Variants in EPN3 observed in about 807,000 individuals in gnomAD.
EPN3 encodes epsin 3, also known as epsin-3.
Under a neutral mutation model 55.5 loss-of-function variants are expected in EPN3, and 56 were observed. The ratio of observed to expected loss-of-function variants is 1.01; its 90% CI spans 0.81 to 1.26. EPN3 has a LOEUF of 1.26. EPN3 is among the 50% of genes most tolerant of loss of function. EPN3 has a pLI of 0.00. For synonymous variants in EPN3, 449 were observed against 375.2 expected (o/e 1.20, Z -2.27); for missense variants, 927 against 853.4 (o/e 1.09, Z -1.07).
chr17:50,539,347 C>T, intron 5 of EPN3, 32 bp downstream of exon 5: 1 of 1,612,784 alleles, frequency 6.2e-7, no homozygotes, highest in South Asian at 1.1e-5. Flanking sequence ...TTGGGATGGA[C>T]AGGGCCTAAG....
At chr17:50,533,648 T>TC (rs894032539) in intron 1 of EPN3, among the ~76,000 whole-genome samples, 3 of 151,904 alleles carry the variant, frequency 2.0e-5, no homozygotes, top group Admixed American at 1.3e-4. Context: ...ACTCTCCAGA[T>TC]CCCCCCATCC....
Position 50,532,963 on chromosome 17 carries a change from G to A in EPN3, c.-159G>A. ...CAGAGGCTACTCGGGCTGGGGCTGG[G>A]GCCGAGGGAGCCCGCACTGGAGGTA... On this transcript the variant is annotated 5_prime_UTR_variant, in exon 1 of 10. Coordinates refer to ENST00000268933, the MANE Select transcript of EPN3 (RefSeq NM_017957.3). The A allele has an allele frequency of 3.1e-6, 4 of 1,285,430 alleles. No homozygotes were observed. The highest frequency in any genetic ancestry group is 4.1e-6 in the Non-Finnish European group (4 of 987,212). 79.6% of individuals were successfully genotyped at this position (1,285,430 alleles called of 1,614,324 possible). A position where few individuals can be genotyped will look rare whatever the true frequency, so the allele number is the denominator to read the frequency against.
intron 3 of EPN3, 158 bp downstream of exon 3, chr17:50,538,355 G>A (rs2034795264): frequency 1.6e-6 from 1 of 609,580 alleles, no homozygotes; most frequent in Admixed American, 3.0e-5. Flanking sequence ...TTTGTCGCAG[G>A]CAGGGACTGC....
At chr17:50,534,308 A>G (rs2034726753) in intron 1 of EPN3, 1 of 642,256 alleles carries the variant, frequency 1.6e-6, no homozygotes, top group East Asian at 1.4e-4. Context: ...AGGTCCAGGC[A>G]GGGCCGCTGG....
Position 50,541,522 on chromosome 17 carries a change from A to C in EPN3, c.1413A>C (p.Pro471=). 6.2e-7 allele frequency: 1 copy of C among 1,614,218 alleles called. No individual in the cohort carries two copies. Among genetic ancestry groups the C allele is most frequent in the African/African-American group, 1.3e-5 (1 of 75,060 alleles). Residue 471 remains proline, a synonymous_variant, in exon 9 of 10, where the codon CCA becomes CCC. Transcript: ENST00000268933. ...CCAAGCAAAATGGCACGAAGGAGCC[A>C]GATGCCCTGGACCTGGGCATACTAG... ...PSSKQNGTKE[P]DALDLGILGE...
At position 50,540,823 on chromosome 17, in the gene EPN3, C is replaced by A; in HGVS notation, c.1010C>A (p.Ser337Tyr). Residue 337 changes from serine (S) to tyrosine (Y), a missense_variant, in exon 7 of 10, where the codon TCC (serine) becomes TAC (tyrosine). Ser to Tyr is a moderately radical substitution (Grantham distance 144). Transcript: ENST00000268933. The stretch of plus-strand genomic sequence containing the variant: ...AGGCCGAACACAGAGGCCAGTGGAT[C>A]CTCCTGGGGGCCTTCTGCAGACCCC... Reference protein sequence around the residue: ...GFRPNTEASGSSWGPSADPWS... With the variant: ...GFRPNTEASGYSWGPSADPWS... 2 of 1,612,866 alleles carry A rather than the reference C, an allele frequency of 1.2e-6. No individual in the cohort carries two copies. The highest frequency in any genetic ancestry group is 1.7e-6 in the Non-Finnish European group (2 of 1,179,200).
chr17:50,538,073 T>C lies in EPN3; in HGVS notation c.563-6T>C, dbSNP rs571923623. 6.2e-6 allele frequency: 10 copies of C among 1,611,260 alleles called. No individual in the cohort carries two copies. The highest frequency in any genetic ancestry group is 4.5e-5 in the East Asian group (2 of 44,858). On this transcript the variant is annotated splice_region_variant and splice_polypyrimidine_tract_variant and intron_variant, in intron 2 of 9. Transcript: ENST00000268933. ...TGTGGTCACAGAGACATGATGGTCATTGCAGCCTCCTCTTCGTCACCCCGC... is the reference window on the plus strand; with the variant it reads ...TGTGGTCACAGAGACATGATGGTCACTGCAGCCTCCTCTTCGTCACCCCGC...
Position 50,536,893 on chromosome 17 carries a change from G to A in EPN3, c.337G>A (p.Asp113Asn), listed in dbSNP as rs1196498949. 3.1e-6 allele frequency: 5 copies of A among 1,614,134 alleles called. No homozygotes were observed. Among genetic ancestry groups the A allele is most frequent in the South Asian group, 2.2e-5 (2 of 91,066 alleles). ...IQTLKDFQYI[D>N]RDGKDQGVNV... ...GACACTCAAGGACTTCCAGTACATC[G>A]ACCGCGACGGCAAGGACCAGGGCGT... Residue 113 changes from aspartate (D) to asparagine (N), a missense_variant, in exon 2 of 10, where the codon GAC becomes AAC. Asp to Asn is a conservative substitution (Grantham distance 23). Coordinates refer to ENST00000268933, the MANE Select transcript of EPN3 (RefSeq NM_017957.3).
chr17:50,538,974 C>A lies in EPN3; in HGVS notation c.762+10C>A. On this transcript the variant is annotated intron_variant, in intron 4 of 9. Coordinates refer to ENST00000268933, the MANE Select transcript of EPN3 (RefSeq NM_017957.3). ...GCAGGAGCACGAGAAGGTAGTGGGC[C>A]GAGCCCGCTGGGCTGCCGGTGCTGC... 6.3e-7 allele frequency: 1 copy of A among 1,592,416 alleles called. No individual in the cohort carries two copies. The highest frequency in any genetic ancestry group is 8.6e-7 in the Non-Finnish European group (1 of 1,168,254).
chr17:50,535,913 G>A (rs1597859747), intron 1 of EPN3: 1 of 152,516 alleles, frequency 6.6e-6, no homozygotes, highest in African/African-American at 2.4e-5. Context: ...GGCATTCCTG[G>A]AATCCTGTTA....
At position 50,542,809 on chromosome 17, in the gene EPN3, A is replaced by G. The variant is rs1248783071; in HGVS notation, c.*652A>G. On this transcript the variant is annotated 3_prime_UTR_variant, in exon 10 of 10. Transcript: ENST00000268933. Reference sequence around the variant, plus strand: ...GTAGGGGCTCCTTGTTCAAAATCGTATGAAGAATTTCAAAACAGGGACAAC... The same window carrying G: ...GTAGGGGCTCCTTGTTCAAAATCGTGTGAAGAATTTCAAAACAGGGACAAC... 3 of 152,228 alleles carry G rather than the reference A, an allele frequency of 2.0e-5. No homozygotes were observed. Among genetic ancestry groups the G allele is most frequent in the Non-Finnish European group, 4.4e-5 (3 of 68,046 alleles). 9.4% of individuals were successfully genotyped at this position (152,228 alleles called of 1,614,324 possible).
intron 5 of EPN3, 112 bp downstream of exon 5, chr17:50,539,427 T>C: frequency 1.4e-6 from 2 of 1,471,656 alleles, no homozygotes; most frequent in East Asian, 4.7e-5. Flanking sequence ...GATGTGTTTA[T>C]TCGATGAAAT....
At chr17:50,541,174 G>A in intron 7 of EPN3, 55 bp from the exon 8 acceptor site, 1 of 1,610,064 alleles carries the variant, frequency 6.2e-7, no homozygotes, top group Non-Finnish European at 8.5e-7. Flanking sequence ...AAAGGGGTCA[G>A]ACCAACACCT....
chr17:50,535,629 T>C (rs1217432690), intron 1 of EPN3, among the ~76,000 whole-genome samples: 1 of 152,176 alleles, frequency 6.6e-6, no homozygotes, highest in Non-Finnish European at 1.5e-5. Context: ...TCCCCTGATT[T>C]TCCTGGCTTG....
rs777450165 is a variant in EPN3, at chr17:50,541,444, C to T, written c.1355-20C>T. ...GCCAATCCCTTTCCCCACCAATTAG[C>T]TCTAGCATTTCTATTCCAGAGCTGG... On this transcript the variant is annotated intron_variant, in intron 8 of 9. Transcript: ENST00000268933. The T allele has an allele frequency of 7.4e-6, 12 of 1,612,784 alleles. No individual in the cohort carries two copies. The highest frequency in any genetic ancestry group is 3.3e-4 in the Middle Eastern group (2 of 6,084).
rs1482485098 is a variant in EPN3 at position 50,541,569 on chromosome 17, G to GA, written c.1460_1461insA (p.Ser487ArgfsTer25). The GA allele has an allele frequency of 6.2e-7, 1 of 1,614,218 alleles. No individual in the cohort carries two copies. The highest frequency in any genetic ancestry group is 1.1e-5 in the South Asian group (1 of 91,086). On this transcript the variant is annotated frameshift_variant, in exon 9 of 10. Coordinates refer to ENST00000268933, the MANE Select transcript of EPN3 (RefSeq NM_017957.3). LOFTEE classifies it high-confidence loss of function. ...CTAGGGGAAGCACTAACCCAGCCAA[G>GA]CAAAGAGGCCCGAGCTTGCCGGACT...
At chr17:50,540,528 C>T (rs1415587576) in intron 6 of EPN3, among the ~76,000 whole-genome samples, 194 bp downstream of exon 6, 1 of 111,894 alleles carries the variant, frequency 8.9e-6, no homozygotes. Flanking sequence ...GGGCCCAGCT[C>T]CTAGGAAACG....
intron 1 of EPN3, among the ~76,000 whole-genome samples, chr17:50,535,530 C>T (rs1035991287): frequency 9.9e-5 from 15 of 152,274 alleles, no homozygotes; most frequent in Non-Finnish European, 1.5e-4. Context: ...TCTTCTGAGC[C>T]GCCCTCCCCT....
At chr17:50,538,036 G>A (rs200771529) in intron 2 of EPN3, 43 bp from the exon 3 acceptor site, 268 of 1,503,270 alleles carry the variant, frequency 1.8e-4, no homozygotes, top group East Asian at 3.0e-4. Flanking sequence ...TGTGGGAGCC[G>A]ATGGGTAATC....
Sources: allele counts gnomAD v4.1 joint callset (sites outside exome capture counted in the v4.1 genomes callset), GRCh38; gene constraint gnomAD v4.1.1; transcripts MANE v1.5; gene names NCBI Gene and HGNC (gene_info 2026-07-23, HGNC 2026-07-21).